HIVEP3: variants seen among roughly 807,000 people sequenced by gnomAD.
HIVEP3 encodes transcription factor HIVEP3.
A neutral mutation model predicts 152.8 loss-of-function variants in HIVEP3; 49 were observed. That is an observed-to-expected ratio of 0.32 (90% CI 0.26 to 0.41). The LOEUF (loss-of-function observed/expected upper bound fraction) is 0.41. Among genes scored for constraint, HIVEP3 ranks in the 10% least tolerant of loss-of-function variants. The pLI, the probability that HIVEP3 is intolerant of heterozygous loss-of-function variation, is 1.00. For missense variants in HIVEP3, 2,790 were observed against 3,103.3 expected, an observed-to-expected ratio of 0.90 and a Z score of 2.40; for synonymous variants, 1,269 against 1,289.0, an observed-to-expected ratio of 0.98 and a Z score of 0.33.
At position 41,876,568 on chromosome 1, in the gene HIVEP3, C is replaced by CTAT. The variant is rs1433733722; in HGVS notation, c.-801+41842_-801+41844dup. ...CAAACATTACTGCTATCATTATTAT[C>CTAT]TATTATTATTATTATTGCTATTGTT... On this transcript the variant is annotated intron_variant, in intron 1 of 8. Coordinates refer to ENST00000372583, the MANE Select transcript of HIVEP3 (RefSeq NM_024503.5). 5.3e-5 allele frequency among the ~76,000 whole-genome samples: 8 copies of CTAT among 152,082 alleles called. No homozygotes were observed. In the East Asian group the frequency reaches 5.8e-4, roughly 11 times the overall value.
chr1:41,647,565 G>A (rs1232495692), intron 2 of HIVEP3, among the ~76,000 whole-genome samples: 7 of 152,208 alleles, frequency 4.6e-5, no homozygotes, highest in Admixed American at 4.6e-4. Context: ...TAGTATGGGA[G>A]GTTCCAGTGG....
upstream of HIVEP3, among the ~76,000 whole-genome samples, chr1:41,920,858 C>G (rs1385748948): frequency 6.6e-6 from 1 of 152,218 alleles, no homozygotes; most frequent in African/African-American, 2.4e-5. Context: ...GTAATTTAAT[C>G]TTAGTCCCTC....
At chr1:41,579,404 C>T (rs553590181) in intron 4 of HIVEP3, among the ~76,000 whole-genome samples, 1 of 152,162 alleles carries the variant, frequency 6.6e-6, no homozygotes, top group Non-Finnish European at 1.5e-5. Flanking sequence ...TCCTGTTAGC[C>T]AAGTTTTCCA....
chr1:41,541,324 A>T lies in HIVEP3; in HGVS notation c.5208-16414T>A, dbSNP rs1643526235. Among the ~76,000 whole-genome samples the T allele has an allele frequency of 2.0e-5, 3 of 152,238 alleles. No individual in the cohort carries two copies. The South Asian group carries it at 6.2e-4, about 32-fold the overall frequency. Reference sequence around the variant, plus strand: ...CACTCTATGGAAATGTGACTTTCCCAACTCAAAGTGGGTTTTCCTTGCAGC... The same window carrying T: ...CACTCTATGGAAATGTGACTTTCCCTACTCAAAGTGGGTTTTCCTTGCAGC... On this transcript the variant is annotated intron_variant, in intron 5 of 8. Transcript: ENST00000372583.
intron 1 of HIVEP3, among the ~76,000 whole-genome samples, chr1:41,794,198 T>C (rs1649855744): frequency 6.6e-6 from 1 of 152,152 alleles, no homozygotes; most frequent in Admixed American, 6.5e-5. Flanking sequence ...ATGGGACGGC[T>C]TACATGGTAG....
chr1:41,948,275 G>A (rs922071559), intron 1 of HIVEP3, among the ~76,000 whole-genome samples: 4 of 152,160 alleles, frequency 2.6e-5, no homozygotes, highest in Non-Finnish European at 5.9e-5. Flanking sequence ...CCCTCACTCG[G>A]GCACTAGAAT....
At chr1:41,702,819 G>C (rs1646382636) in intron 1 of HIVEP3, among the ~76,000 whole-genome samples, 1 of 152,194 alleles carries the variant, frequency 6.6e-6, no homozygotes, top group Non-Finnish European at 1.5e-5. Flanking sequence ...ATAACTCAAA[G>C]GGCATGGTCA....
intron 1 of HIVEP3, among the ~76,000 whole-genome samples, chr1:41,973,145 C>A (rs548516414): frequency 6.6e-6 from 1 of 152,020 alleles, no homozygotes; most frequent in Non-Finnish European, 1.5e-5. Flanking sequence ...GAGTAAGGGA[C>A]CTTGGTAAGG....
At chr1:41,899,459 T>G (rs1644585080) in intron 1 of HIVEP3, among the ~76,000 whole-genome samples, 1 of 152,182 alleles carries the variant, frequency 6.6e-6, no homozygotes, top group Non-Finnish European at 1.5e-5. Flanking sequence ...CAGGCTGGAG[T>G]GCAATGGTGC....
At chr1:41,977,650 A>C (rs966971181) in intron 1 of HIVEP3, among the ~76,000 whole-genome samples, 1 of 152,244 alleles carries the variant, frequency 6.6e-6, no homozygotes, top group South Asian at 2.1e-4. Context: ...TCTGAGGAGT[A>C]ATATATTCCT....
intron 1 of HIVEP3, among the ~76,000 whole-genome samples, chr1:41,996,401 A>AAG (rs386366795): frequency 2.0e-4 from 30 of 151,294 alleles, no homozygotes; most frequent in Non-Finnish European, 2.8e-4. Flanking sequence ...AAAAAAAAAA[A>AAG]AGAGAGAGAG....
chr1:41,837,337 T>A (rs1009848887), intron 1 of HIVEP3, among the ~76,000 whole-genome samples: 10 of 152,136 alleles, frequency 6.6e-5, no homozygotes, highest in African/African-American at 2.4e-4. Context: ...ATTTTTATTA[T>A]TTTTTTGAGA....
At chr1:41,850,832 T>G (rs1297583206) in intron 1 of HIVEP3, among the ~76,000 whole-genome samples, 1 of 152,226 alleles carries the variant, frequency 6.6e-6, no homozygotes, top group Non-Finnish European at 1.5e-5. Context: ...GCAGTGATGA[T>G]AGCCCACAGG....
intron 1 of HIVEP3, among the ~76,000 whole-genome samples, chr1:41,933,707 GT>G (rs1346427896): frequency 6.6e-6 from 1 of 151,860 alleles, no homozygotes; most frequent in South Asian, 2.1e-4. Context: ...TTTGCTAGCT[GT>G]TTTTTTGTTC....
chr1:41,784,068 G>A (rs1283474342), intron 1 of HIVEP3, among the ~76,000 whole-genome samples: 1 of 152,210 alleles, frequency 6.6e-6, no homozygotes, highest in African/African-American at 2.4e-5. Context: ...GGTTTGCAGA[G>A]GGGCAGACAG....
chr1:41,852,796 C>T (rs1368070878), intron 1 of HIVEP3, among the ~76,000 whole-genome samples: 1 of 152,220 alleles, frequency 6.6e-6, no homozygotes, highest in Non-Finnish European at 1.5e-5. Context: ...AAGTGATAAC[C>T]TTAATGACAA....
rs762918379 is a variant in HIVEP3, at chr1:41,513,096, C to A, written c.6125G>T (p.Gly2042Val). The change falls in exon 8 of 9, where the codon GGA becomes GTA. Residue 2042 changes from glycine to valine, a missense_variant. Physicochemically the swap from Gly to Val is moderately radical, Grantham distance 109. Coordinates refer to ENST00000372583, the MANE Select transcript of HIVEP3 (RefSeq NM_024503.5). ...QLSPLTLCPLGRELAPRAHVL... is the reference protein window; with the variant it reads ...QLSPLTLCPLVRELAPRAHVL... ...ATGTGCTCGAGGGGCCAGTTCTCTT[C>A]CCAGGGGGCAGAGGGTGAGAGGAGA... The A allele has an allele frequency of 3.1e-5, 50 of 1,613,782 alleles. No homozygotes were observed. In the Admixed American group the frequency reaches 4.0e-4, roughly 13 times the overall value.
intron 1 of HIVEP3, among the ~76,000 whole-genome samples, chr1:41,853,274 C>T (rs1643654293): frequency 6.6e-6 from 1 of 152,166 alleles, no homozygotes; most frequent in Non-Finnish European, 1.5e-5. Flanking sequence ...TCTGTTCTCA[C>T]ACGGCTATAA....
At position 41,635,613 on chromosome 1, in the gene HIVEP3, TAC is replaced by T. The variant is rs1645261023; in HGVS notation, c.-720-6668_-720-6667del. ...ATATACATACGTATGTATATATACATACATATACATACGTATGTATATATACA... is the reference window on the plus strand; with the variant it reads ...ATATACATACGTATGTATATATACATATATACATACGTATGTATATATACA... On this transcript the variant is annotated intron_variant, in intron 2 of 8. Transcript: ENST00000372583. Among the ~76,000 whole-genome samples, 2 of 33,126 alleles carry T rather than the reference TAC, an allele frequency of 6.0e-5. 1 individual carries two copies. The highest frequency in any genetic ancestry group is 5.6e-4 in the African/African-American group (2 of 3,580). The allele number at this position is 33,126 out of a possible 152,430, so 21.7% of individuals were successfully genotyped here. A position where few individuals can be genotyped will look rare whatever the true frequency, so the allele number is the denominator to read the frequency against.
Sources: allele counts gnomAD v4.1 joint callset (sites outside exome capture counted in the v4.1 genomes callset), GRCh38; gene constraint gnomAD v4.1.1; transcripts MANE v1.5; gene names NCBI Gene and HGNC (gene_info 2026-07-23, HGNC 2026-07-21).